GARIN6: variants seen among roughly 807,000 people sequenced by gnomAD.
The protein encoded by GARIN6 is golgi associated RAB2 interactor family member 6, also known as Golgi-associated RAB2 interactor protein 6.
At chr12:99,648,633 T>A in the GARIN6 span, 1 of 1,614,210 alleles carries the variant, frequency 6.2e-7, no homozygotes, top group Non-Finnish European at 8.5e-7. Flanking sequence ...TTCAGCTGTG[T>A]CCTCCATCGG....
chr12:99,649,933 G>T, the GARIN6 span: 1 of 154,538 alleles, frequency 6.5e-6, no homozygotes. Flanking sequence ...TAGCTGGATT[G>T]ACTCTGCAGT....
At chr12:99,648,161 AT>A in the GARIN6 span, 456,720 of 1,604,798 alleles carry the variant, frequency 0.28, 67,254 homozygotes, top group African/African-American at 0.34. Context: ...AACTGTCTTG[AT>A]TTAAAGGAAG....
the GARIN6 span, chr12:99,647,805 T>G: frequency 4.4e-6 from 1 of 229,694 alleles, no homozygotes; most frequent in African/African-American, 2.2e-5. Context: ...CCAGTTAAGG[T>G]TGTGGAATCA....
the GARIN6 span, chr12:99,648,208 G>A: frequency 6.2e-6 from 10 of 1,614,084 alleles, no homozygotes; most frequent in Non-Finnish European, 8.5e-6. Context: ...GTATTACACG[G>A]CCCAAAGCAG....
chr12:99,648,638 C>T, the GARIN6 span: 5 of 1,614,100 alleles, frequency 3.1e-6, no homozygotes, highest in African/African-American at 6.7e-5. Flanking sequence ...CTGTGTCCTC[C>T]ATCGGATGCA....
At chr12:99,648,938 T>C in the GARIN6 span, 1 of 1,160,866 alleles carries the variant, frequency 8.6e-7, no homozygotes, top group Admixed American at 2.9e-5. Flanking sequence ...TTGGAGGCCA[T>C]GGTACATTGA....
chr12:99,648,845 A>T, the GARIN6 span: 2 of 1,537,244 alleles, frequency 1.3e-6, no homozygotes, highest in South Asian at 2.5e-5. Flanking sequence ...GAGCAGGTAC[A>T]GGTCCTGTAA....
the GARIN6 span, chr12:99,648,688 A>G: frequency 6.2e-7 from 1 of 1,614,180 alleles, no homozygotes; most frequent in African/African-American, 1.3e-5. Flanking sequence ...CCTTGTTTAC[A>G]TCCTGAGACC....
chr12:99,647,878 AC>A, the GARIN6 span: 1 of 390,650 alleles, frequency 2.6e-6, no homozygotes, highest in Non-Finnish European at 4.6e-6. Context: ...CCGAATGAGC[AC>A]TGACACCTGT....
At chr12:99,648,859 C>T in the GARIN6 span, 4 of 1,503,670 alleles carry the variant, frequency 2.7e-6, no homozygotes, top group Non-Finnish European at 2.7e-6. Flanking sequence ...CCTGTAAAGC[C>T]TTTGGTGCTG....
the GARIN6 span, chr12:99,649,351 G>A: frequency 1.2e-6 from 2 of 1,614,026 alleles, no homozygotes; most frequent in Non-Finnish European, 1.7e-6. Context: ...TCACATGAAT[G>A]CTGAAATGTT....
chr12:99,649,305 T>C, the GARIN6 span: 2 of 1,613,960 alleles, frequency 1.2e-6, no homozygotes, highest in Non-Finnish European at 8.5e-7. Flanking sequence ...CCATGAAGTT[T>C]TGTGAAGAGA....
At chr12:99,647,838 T>C in the GARIN6 span, 1 of 290,732 alleles carries the variant, frequency 3.4e-6, no homozygotes, top group African/African-American at 2.1e-5. Flanking sequence ...TGTTGTGAAG[T>C]GGAATATCAG....
chr12:99,648,357 C>T, the GARIN6 span: 486 of 1,614,190 alleles, frequency 3.0e-4, 3 homozygotes, highest in East Asian at 0.01. Flanking sequence ...AAGTGATTGA[C>T]GTGCACAACC....
the GARIN6 span, chr12:99,649,173 G>A: frequency 1.2e-6 from 1 of 819,846 alleles, no homozygotes; most frequent in South Asian, 1.6e-5. Flanking sequence ...ATACATTGGT[G>A]GCAACACAAC....
chr12:99,648,733 C>G, the GARIN6 span: 1 of 1,613,814 alleles, frequency 6.2e-7, no homozygotes, highest in African/African-American at 1.3e-5. Flanking sequence ...CAGGGCTATC[C>G]TAGCTGGGAA....
At chr12:99,648,672 G>A in the GARIN6 span, 1 of 1,614,014 alleles carries the variant, frequency 6.2e-7, no homozygotes, top group African/African-American at 1.3e-5. Context: ...TTGTTCACTG[G>A]GAAAACCTTG....
At chr12:99,648,111 C>T in the GARIN6 span, 17 of 1,554,330 alleles carry the variant, frequency 1.1e-5, no homozygotes, top group Non-Finnish European at 1.4e-5. Flanking sequence ...ACAGGATGCC[C>T]GCTAAAGCAT....
the GARIN6 span, chr12:99,649,812 T>C: frequency 6.6e-6 from 1 of 151,710 alleles, no homozygotes; most frequent in African/African-American, 2.7e-5. Context: ...ACAGTATCTC[T>C]CTGCTACTCA....
Sources: gnomAD v4.1 joint callset for allele counts on GRCh38, gnomAD v4.1.1 for gene constraint, MANE v1.5 for transcripts, NCBI Gene and HGNC (gene_info 2026-07-23, HGNC 2026-07-21) for gene names.